ENKUR: variants seen among roughly 807,000 people sequenced by gnomAD.
ENKUR encodes the protein enkurin.
Under a neutral mutation model 27.6 loss-of-function variants are expected in ENKUR, and 19 were observed. The observed-to-expected ratio is 0.69, with a 90% confidence interval of 0.48 to 1.01. The LOEUF is 1.01. Ranked by LOEUF, ENKUR falls within the 50% of genes least tolerant of loss-of-function variation. ENKUR has a pLI of 0.00. For synonymous variants in ENKUR, 117 were observed against 96.9 expected, an observed-to-expected ratio of 1.21 and a Z score of -1.22; for missense variants, 312 against 310.5, an observed-to-expected ratio of 1.00 and a Z score of -0.04.
chr10:25,024,329 G>A (rs769222977), intron 2 of ENKUR: 3 of 1,614,146 alleles, frequency 1.9e-6, no homozygotes, highest in South Asian at 2.2e-5. Flanking sequence ...ATCCCACCAA[G>A]TTGCAATTAT....
At chr10:25,029,262 C>T (rs1850906312) in intron 2 of ENKUR, among the ~76,000 whole-genome samples, 1 of 152,040 alleles carries the variant, frequency 6.6e-6, no homozygotes, top group Non-Finnish European at 1.5e-5. Context: ...GATTAATTTT[C>T]AGGCTATGGT....
intron 3 of ENKUR, among the ~76,000 whole-genome samples, chr10:24,991,441 G>A (rs756751011): frequency 1.1e-4 from 16 of 151,554 alleles, no homozygotes; most frequent in Non-Finnish European, 2.2e-4. Flanking sequence ...ACAAATGGCT[G>A]GACGTCGAGA....
At chr10:25,034,925 A>G (rs1040507357) in intron 2 of ENKUR, among the ~76,000 whole-genome samples, 3 of 152,236 alleles carry the variant, frequency 2.0e-5, no homozygotes, top group Non-Finnish European at 4.4e-5. Context: ...AAGAAGAAAA[A>G]TATTAGTTTA....
chr10:25,014,927 C>T (rs1258669415), intron 1 of ENKUR, among the ~76,000 whole-genome samples: 4 of 152,190 alleles, frequency 2.6e-5, no homozygotes, highest in Admixed American at 2.6e-4. Context: ...TTATCTGGTA[C>T]ATTTATCTCA....
intron 2 of ENKUR, chr10:25,025,621 C>A: frequency 3.1e-6 from 2 of 643,178 alleles, no homozygotes; most frequent in Non-Finnish European, 5.4e-6. Flanking sequence ...TCCATGTCAC[C>A]TCCTCAGATC....
chr10:25,015,220 T>C (rs942387856), intron 1 of ENKUR, among the ~76,000 whole-genome samples: 5 of 152,212 alleles, frequency 3.3e-5, no homozygotes, highest in Non-Finnish European at 7.3e-5. Flanking sequence ...TTTAAGAGGT[T>C]CTAAGACCTA....
At chr10:25,033,829 ATC>A (rs1190580107) in intron 2 of ENKUR, among the ~76,000 whole-genome samples, 1 of 59,720 alleles carries the variant, frequency 1.7e-5, no homozygotes, top group African/African-American at 5.4e-5. Flanking sequence ...GTGTGTGTCT[ATC>A]TATCTATCTA....
chr10:25,013,606 A>G (rs1850500248), intron 1 of ENKUR, among the ~76,000 whole-genome samples: 1 of 152,232 alleles, frequency 6.6e-6, no homozygotes. Flanking sequence ...AACAAAATGG[A>G]AAGAGGGGAT....
chr10:25,011,033 A>G (rs1411170699), intron 1 of ENKUR, among the ~76,000 whole-genome samples: 1 of 149,414 alleles, frequency 6.7e-6, no homozygotes, highest in Non-Finnish European at 1.5e-5. Flanking sequence ...GACTTCCACA[A>G]TGGTTGAACT....
chr10:25,017,568 CCTTA>C, upstream of ENKUR, among the ~76,000 whole-genome samples: 1 of 151,184 alleles, frequency 6.6e-6, no homozygotes, highest in South Asian at 2.1e-4. Flanking sequence ...ATGTGTAGGT[CCTTA>C]CTTTGGGCTC....
rs747118629 is a variant in ENKUR at position 25,023,882 on chromosome 10, T to G, written c.38-28013A>C. 11 of 1,614,022 alleles carry G rather than the reference T, an allele frequency of 6.8e-6. No individual in the cohort carries two copies. In the South Asian group the frequency reaches 1.2e-4, roughly 18 times the overall value. On this transcript the variant is annotated intron_variant, in intron 2 of 5. Transcript: ENST00000615958. The stretch of plus-strand genomic sequence containing the variant: ...GTAGCTGACAAAGTGCTGAATGCAA[T>G]TAAAAGATACCAAGATGTGGACTCG...
intron 2 of ENKUR, among the ~76,000 whole-genome samples, chr10:25,059,086 A>C (rs906556280): frequency 1.4e-5 from 2 of 147,760 alleles, no homozygotes; most frequent in African/African-American, 2.5e-5. Context: ...TCTATCTAAG[A>C]GGGCACTTCA....
chr10:25,024,489 C>T (rs776527828), intron 2 of ENKUR: 10 of 1,614,150 alleles, frequency 6.2e-6, no homozygotes, highest in Non-Finnish European at 8.5e-6. Flanking sequence ...AAATAATTGG[C>T]AGTCAGAGAG....
At chr10:24,988,866 T>C (rs1041790397) in intron 4 of ENKUR, among the ~76,000 whole-genome samples, 8 of 151,822 alleles carry the variant, frequency 5.3e-5, no homozygotes, top group Admixed American at 5.3e-4. Context: ...TCGAACTACA[T>C]GCAACTCTTG....
intron 2 of ENKUR, among the ~76,000 whole-genome samples, chr10:25,050,443 G>A (rs1851174247): frequency 6.6e-6 from 1 of 152,174 alleles, no homozygotes; most frequent in Admixed American, 6.5e-5. Flanking sequence ...GTCTTGCATG[G>A]TGGCAGGCAA....
chr10:24,983,404 A>C lies in ENKUR; in HGVS notation c.*966T>G, dbSNP rs1849712618. On this transcript the variant is annotated 3_prime_UTR_variant, in exon 6 of 6. Transcript: ENST00000331161. ...GGTTCCTGCTGACCTGCTCACAGCA[A>C]AGTACTGCTATGTTAGCAAGAATTG... 1 of 152,208 alleles carries C rather than the reference A, an allele frequency of 6.6e-6. No individual in the cohort carries two copies. Among genetic ancestry groups the C allele is most frequent in the Non-Finnish European group, 1.5e-5 (1 of 68,040 alleles). The allele number at this position is 152,208 out of a possible 1,614,324, so 9.4% of individuals were successfully genotyped here.
chr10:25,055,237 G>A (rs938839197), intron 2 of ENKUR, among the ~76,000 whole-genome samples: 4 of 151,672 alleles, frequency 2.6e-5, no homozygotes, highest in Admixed American at 1.3e-4. Context: ...ATTTAAATGC[G>A]AAGTGTCAAG....
chr10:24,989,852 C>T (rs957620193), intron 4 of ENKUR, among the ~76,000 whole-genome samples: 12 of 152,158 alleles, frequency 7.9e-5, no homozygotes, highest in Admixed American at 2.0e-4. Flanking sequence ...TTTAATTAAA[C>T]GCTCATACAA....
intron 2 of ENKUR, among the ~76,000 whole-genome samples, chr10:25,026,959 C>T (rs886595051): frequency 1.3e-5 from 2 of 151,920 alleles, no homozygotes; most frequent in Admixed American, 6.6e-5. Context: ...TTCAAAGTTA[C>T]GTTTGTTCAT....
Sources: gnomAD v4.1 joint callset for allele counts (sites outside exome capture counted in the v4.1 genomes callset) on GRCh38, gnomAD v4.1.1 for gene constraint, MANE v1.5 for transcripts, NCBI Gene and HGNC (gene_info 2026-07-23, HGNC 2026-07-21) for gene names.